The following NOL4L variants were observed in gnomAD, a reference collection of about 807,000 sequenced individuals.
The protein encoded by NOL4L is nucleolar protein 4 like, also known as nucleolar protein 4-like.
NOL4L carries 7 observed loss-of-function variants against 64.5 expected under a neutral mutation model. That is an observed-to-expected ratio of 0.11 (90% CI 0.06 to 0.20). NOL4L has a LOEUF of 0.20. Among genes scored for constraint, NOL4L ranks in the 10% least tolerant of loss-of-function variants. NOL4L has a pLI of 1.00. For synonymous variants in NOL4L, 413 were observed against 401.0 expected, an observed-to-expected ratio of 1.03 and a Z score of -0.36; for missense variants, 680 against 967.1, an observed-to-expected ratio of 0.70 and a Z score of 3.94.
At chr20:32,576,793 G>A (rs929063026) in intron 1 of NOL4L, among the ~76,000 whole-genome samples, 1 of 152,232 alleles carries the variant, frequency 6.6e-6, no homozygotes, top group African/African-American at 2.4e-5. Flanking sequence ...GAGCATGGAC[G>A]AGAGGCAGCA....
chr20:32,470,882 C>T (rs1199929651), intron 5 of NOL4L, among the ~76,000 whole-genome samples: 1 of 152,258 alleles, frequency 6.6e-6, no homozygotes, highest in African/African-American at 2.4e-5. Context: ...AGGAGAAGCA[C>T]TGGCACCTCC....
At chr20:32,580,823 C>A (rs6058746) in intron 1 of NOL4L, among the ~76,000 whole-genome samples, 1 of 152,118 alleles carries the variant, frequency 6.6e-6, no homozygotes, top group African/African-American at 2.4e-5. Context: ...GCTCTCTGAT[C>A]CTAGGAACTG....
chr20:32,573,292 C>T (rs890269184), intron 1 of NOL4L, among the ~76,000 whole-genome samples: 1 of 152,168 alleles, frequency 6.6e-6, no homozygotes, highest in Non-Finnish European at 1.5e-5. Context: ...GCTGGGATTA[C>T]AGGCATGAAA....
intron 1 of NOL4L, among the ~76,000 whole-genome samples, chr20:32,530,360 T>C (rs572265833): frequency 7.2e-4 from 110 of 152,032 alleles, no homozygotes; most frequent in African/African-American, 2.5e-3. Context: ...GCTAACATGG[T>C]GAAACCCTGT....
In NOL4L at chr20:32,502,211, A is replaced by T. The variant is rs34446010; in HGVS notation, c.699+9136T>A. The stretch of plus-strand genomic sequence containing the variant: ...TACCAGAAGAGACAGCTAAAACATA[A>T]GAAAGAAAAGAGGCTGTCCCTAGGG... On this transcript the variant is annotated intron_variant, in intron 4 of 10. Coordinates refer to ENST00000621426, the MANE Select transcript of NOL4L (RefSeq NM_001256798.2). Among the ~76,000 whole-genome samples, 975 of 152,380 alleles carry T rather than the reference A, an allele frequency of 6.4e-3. 6 individuals carry two copies. Among genetic ancestry groups the T allele is most frequent in the Non-Finnish European group, 0.011 (719 of 68,034 alleles).
At chr20:32,497,671 A>G (rs1169773857) in intron 4 of NOL4L, among the ~76,000 whole-genome samples, 3 of 152,174 alleles carry the variant, frequency 2.0e-5, no homozygotes, top group Admixed American at 6.5e-5. Context: ...CCATCAGTAC[A>G]GGGACCATCT....
At chr20:32,565,244 C>T (rs1347824284) in intron 1 of NOL4L, among the ~76,000 whole-genome samples, 1 of 152,150 alleles carries the variant, frequency 6.6e-6, no homozygotes, top group Non-Finnish European at 1.5e-5. Context: ...ACACACAGGC[C>T]GAGTGGACGG....
chr20:32,487,936 T>TTTTA (rs2016161905), intron 4 of NOL4L, among the ~76,000 whole-genome samples: 1 of 118,148 alleles, frequency 8.5e-6, no homozygotes, highest in Admixed American at 9.7e-5. Flanking sequence ...TTGGTTTTAT[T>TTTTA]TTTTTTTTTT....
chr20:32,487,624 G>C (rs941608878), intron 4 of NOL4L, among the ~76,000 whole-genome samples: 1 of 152,174 alleles, frequency 6.6e-6, no homozygotes, highest in African/African-American at 2.4e-5. Flanking sequence ...ATGAGCATCG[G>C]GGGGGCAAAC....
intron 1 of NOL4L, among the ~76,000 whole-genome samples, chr20:32,571,844 C>T (rs992505539): frequency 5.9e-5 from 9 of 152,218 alleles, no homozygotes; most frequent in South Asian, 2.1e-4. Context: ...TCACAGGAGC[C>T]GGCAGGAGGC....
chr20:32,488,751 C>CTT (rs1568647239), intron 4 of NOL4L, among the ~76,000 whole-genome samples: 92 of 45,848 alleles, frequency 2.0e-3, no homozygotes, highest in African/African-American at 7.9e-3. Context: ...CTTTCTTTTC[C>CTT]TTCCTTCCTT....
intron 5 of NOL4L, among the ~76,000 whole-genome samples, chr20:32,470,214 A>C (rs1487090807): frequency 6.6e-6 from 1 of 152,204 alleles, no homozygotes; most frequent in African/African-American, 2.4e-5. Context: ...TGGAGGCCAG[A>C]CGGGCCTCAC....
At chr20:32,501,950 C>T (rs1799658155) in intron 4 of NOL4L, among the ~76,000 whole-genome samples, 1 of 152,072 alleles carries the variant, frequency 6.6e-6, no homozygotes. Flanking sequence ...ATTGGGTCAG[C>T]TATGAGTAAT....
At chr20:32,502,132 T>C (rs1233911666) in intron 4 of NOL4L, among the ~76,000 whole-genome samples, 4 of 152,192 alleles carry the variant, frequency 2.6e-5, no homozygotes, top group Non-Finnish European at 4.4e-5. Flanking sequence ...AAAGCCCCAA[T>C]TGAAAAATCA....
rs1269585732 is a variant in NOL4L at position 32,445,437 on chromosome 20, G to A, written c.*2159C>T. 1.3e-5 allele frequency: 2 copies of A among 152,014 alleles called. No homozygotes were observed. Among genetic ancestry groups the A allele is most frequent in the Non-Finnish European group, 2.9e-5 (2 of 68,040 alleles). The allele number at this position is 152,014 out of a possible 1,614,324, so 9.4% of individuals were successfully genotyped here. On this transcript the variant is annotated 3_prime_UTR_variant, in exon 11 of 11. Coordinates refer to ENST00000621426, the MANE Select transcript of NOL4L (RefSeq NM_001256798.2). The stretch of plus-strand genomic sequence containing the variant: ...AGTAACTGATACCAGGAATTCTAGG[G>A]TGGCGATTGTCTCTGCCAGGTTTTA...
rs745591080 is a variant in NOL4L, at chr20:32,464,912, G to A, written c.842-8517C>T. On this transcript the variant is annotated intron_variant, in intron 5 of 10. Transcript: ENST00000621426. This position sits in a 1 kb window ranked among gnomAD's most constrained non-coding sequence, Gnocchi z 5.6. Reference sequence around the variant, plus strand: ...TCCTACGGAGCCGCTGAGACGCAGCGTGTATTGCACACCTGTCTGCACTAG... The same window carrying A: ...TCCTACGGAGCCGCTGAGACGCAGCATGTATTGCACACCTGTCTGCACTAG... 32 of 446,424 alleles carry A rather than the reference G, an allele frequency of 7.2e-5. No individual in the cohort carries two copies. Among genetic ancestry groups the A allele is most frequent in the Non-Finnish European group, 9.1e-5 (22 of 242,562 alleles). The allele number at this position is 446,424 out of a possible 1,614,324, so 27.7% of individuals were successfully genotyped here.
intron 1 of NOL4L, among the ~76,000 whole-genome samples, chr20:32,562,772 G>A (rs532735548): frequency 2.0e-5 from 3 of 151,326 alleles, no homozygotes; most frequent in South Asian, 4.2e-4. Flanking sequence ...CACAGCCCTC[G>A]GCCCTCCCCA....
At chr20:32,489,857 G>A (rs1049257885) in intron 4 of NOL4L, among the ~76,000 whole-genome samples, 1 of 149,772 alleles carries the variant, frequency 6.7e-6, no homozygotes, top group African/African-American at 2.5e-5. Context: ...GGCCTGGCAT[G>A]GTGACTCACG....
At chr20:32,562,683 G>A (rs112683782) in intron 1 of NOL4L, among the ~76,000 whole-genome samples, 2 of 152,032 alleles carry the variant, frequency 1.3e-5, no homozygotes, top group African/African-American at 4.8e-5. Flanking sequence ...CTCCCGGCCT[G>A]GTATCCTATC....
Sources: allele counts gnomAD v4.1 joint callset (sites outside exome capture counted in the v4.1 genomes callset), GRCh38; gene constraint gnomAD v4.1.1; non-coding constraint Gnocchi (gnomAD v3.1); transcripts MANE v1.5; gene names NCBI Gene and HGNC (gene_info 2026-07-23, HGNC 2026-07-21).